Variants in GRM8 observed in about 807,000 individuals in gnomAD.
GRM8 encodes glutamate metabotropic receptor 8, also known as metabotropic glutamate receptor 8.
A neutral mutation model predicts 87.2 loss-of-function variants in GRM8; 47 were observed. The observed-to-expected ratio is 0.54, with a 90% CI of 0.43 to 0.69. The LOEUF is 0.69. Ranked by LOEUF, GRM8 falls within the 30% of genes least tolerant of loss-of-function variation. GRM8 has a pLI of 0.00. For synonymous variants in GRM8, 396 were observed against 404.5 expected, an observed-to-expected ratio of 0.98 and a Z score of 0.25; for missense variants, 1,019 against 1,139.2, an observed-to-expected ratio of 0.89 and a Z score of 1.52.
At chr7:126,713,322 C>T (rs1334838202) in intron 7 of GRM8, among the ~76,000 whole-genome samples, 1 of 151,922 alleles carries the variant, frequency 6.6e-6, no homozygotes, top group Non-Finnish European at 1.5e-5. Flanking sequence ...TGGGTACCAT[C>T]ATTCTCAGCA....
chr7:126,733,722 G>GT (rs1305101689), intron 7 of GRM8, among the ~76,000 whole-genome samples: 1 of 151,912 alleles, frequency 6.6e-6, no homozygotes, highest in East Asian at 1.9e-4. Flanking sequence ...AATTTATAGT[G>GT]TATCTATATT....
In GRM8 at chr7:126,787,169, C is replaced by T. The variant is rs1172448500; in HGVS notation, c.1157-17104G>A. On this transcript the variant is annotated intron_variant, in intron 6 of 10. Coordinates refer to ENST00000339582, the MANE Select transcript of GRM8 (RefSeq NM_000845.3). ...CTGCTTCACACAGAAATATTAATGA[C>T]TGATAATGCCCGGGTGTGACCACTC... Among the ~76,000 whole-genome samples, 3 of 152,180 alleles carry T rather than the reference C, an allele frequency of 2.0e-5. No homozygotes were observed. The East Asian group carries it at 5.8e-4, about 29-fold the overall frequency.
At chr7:126,619,529 A>C (rs539456238) in intron 7 of GRM8, among the ~76,000 whole-genome samples, 2 of 148,310 alleles carry the variant, frequency 1.3e-5, no homozygotes, top group Non-Finnish European at 3.0e-5. Context: ...AAAAGGAAAA[A>C]AAAGAAATGC....
intron 3 of GRM8, among the ~76,000 whole-genome samples, chr7:126,929,410 G>C (rs1476324321): frequency 6.6e-6 from 1 of 152,154 alleles, no homozygotes; most frequent in South Asian, 2.1e-4. Flanking sequence ...AAAAAACTGA[G>C]TTTTAAATTT....
chr7:126,891,702 A>G (rs1315389015), intron 6 of GRM8, among the ~76,000 whole-genome samples: 2 of 152,078 alleles, frequency 1.3e-5, no homozygotes, highest in African/African-American at 4.8e-5. Flanking sequence ...CCCCTAGGCT[A>G]CATCAGTTCT....
chr7:126,658,045 G>T (rs562140829), intron 7 of GRM8, among the ~76,000 whole-genome samples: 1 of 152,252 alleles, frequency 6.6e-6, no homozygotes, highest in Non-Finnish European at 1.5e-5. Context: ...GGCCTGAGCC[G>T]CTGGGAAAGA....
chr7:127,001,278 G>T (rs1177398780), intron 3 of GRM8, among the ~76,000 whole-genome samples: 1 of 151,448 alleles, frequency 6.6e-6, no homozygotes, highest in Non-Finnish European at 1.5e-5. Context: ...AGACCTAAAT[G>T]TAAAAAATCT....
At chr7:126,638,482 T>C (rs959362017) in intron 7 of GRM8, among the ~76,000 whole-genome samples, 2 of 152,182 alleles carry the variant, frequency 1.3e-5, no homozygotes, top group Non-Finnish European at 1.5e-5. Context: ...ATCTGTTAAA[T>C]AACTCAATGC....
intron 7 of GRM8, among the ~76,000 whole-genome samples, chr7:126,622,620 T>C (rs1156545669): frequency 6.6e-6 from 1 of 152,196 alleles, no homozygotes; most frequent in Non-Finnish European, 1.5e-5. Context: ...TCACCTTCCA[T>C]GCACTTTCAG....
At chr7:126,463,204 T>A (rs1309620302) in intron 9 of GRM8, among the ~76,000 whole-genome samples, 2 of 151,632 alleles carry the variant, frequency 1.3e-5, no homozygotes, top group African/African-American at 4.8e-5. Flanking sequence ...ATGGAAGACA[T>A]AGGGGTTCCT....
At chr7:126,909,938 C>T (rs1270807513) in intron 3 of GRM8, among the ~76,000 whole-genome samples, 2 of 152,108 alleles carry the variant, frequency 1.3e-5, no homozygotes, top group Non-Finnish European at 2.9e-5. Context: ...ATTGACTATA[C>T]CTGTGGCTTA....
intron 2 of GRM8, among the ~76,000 whole-genome samples, chr7:127,142,474 T>C (rs541050891): frequency 9.8e-5 from 15 of 152,312 alleles, no homozygotes; most frequent in South Asian, 8.3e-4. Flanking sequence ...AAATTGCAGA[T>C]CATAACCCTG....
chr7:126,479,827 C>T (rs962684388), intron 9 of GRM8, among the ~76,000 whole-genome samples: 6 of 152,004 alleles, frequency 3.9e-5, no homozygotes, highest in Non-Finnish European at 8.8e-5. Context: ...TTTTGAGGAA[C>T]TGCCAAATTG....
At chr7:127,224,374 G>C (rs1797176782) in intron 2 of GRM8, among the ~76,000 whole-genome samples, 1 of 152,158 alleles carries the variant, frequency 6.6e-6, no homozygotes, top group South Asian at 2.1e-4. Context: ...AATAAACCAA[G>C]GAGGCCAGTA....
chr7:126,530,250 T>C (rs1814583812), intron 9 of GRM8, among the ~76,000 whole-genome samples: 1 of 152,238 alleles, frequency 6.6e-6, no homozygotes, highest in Non-Finnish European at 1.5e-5. Context: ...TTCTCTGACG[T>C]TATTCTGAGA....
intron 6 of GRM8, among the ~76,000 whole-genome samples, chr7:126,813,128 T>C (rs1793457819): frequency 1.3e-5 from 2 of 152,078 alleles, no homozygotes; most frequent in African/African-American, 2.4e-5. Flanking sequence ...GGTTTACCTA[T>C]ATAACCTACG....
chr7:126,600,866 G>C (rs1352309628), intron 8 of GRM8, among the ~76,000 whole-genome samples: 1 of 152,020 alleles, frequency 6.6e-6, no homozygotes, highest in Non-Finnish European at 1.5e-5. Flanking sequence ...AAATCATCTT[G>C]TTGCAAGGAA....
At chr7:126,595,531 T>C (rs546969413) in intron 8 of GRM8, among the ~76,000 whole-genome samples, 120 of 151,846 alleles carry the variant, frequency 7.9e-4, no homozygotes, top group African/African-American at 2.8e-3. Flanking sequence ...CCTCCCAAAG[T>C]GCTAGGATTA....
At chr7:127,178,070 G>C (rs1033692121) in intron 2 of GRM8, among the ~76,000 whole-genome samples, 2 of 152,252 alleles carry the variant, frequency 1.3e-5, no homozygotes, top group East Asian at 3.9e-4. Flanking sequence ...ACCAGAGAAA[G>C]GTGAAGCCCA....
Sources: allele counts gnomAD v4.1 joint callset (sites outside exome capture counted in the v4.1 genomes callset), GRCh38; gene constraint gnomAD v4.1.1; transcripts MANE v1.5; gene names NCBI Gene and HGNC (gene_info 2026-07-23, HGNC 2026-07-21).